The following PIK3R5 variants were observed in gnomAD, a reference collection of about 807,000 sequenced individuals.
The protein encoded by PIK3R5 is phosphoinositide-3-kinase regulatory subunit 5.
PIK3R5 carries 32 observed loss-of-function variants against 94.9 expected under a neutral mutation model. The observed-to-expected ratio is 0.34, with a 90% CI of 0.25 to 0.45. The LOEUF is 0.45. Ranked by LOEUF, PIK3R5 falls within the 20% of genes least tolerant of loss-of-function variation. The probability of loss-of-function intolerance (pLI) is 1.00; values close to 1 mark genes in which losing one functional copy is unlikely to be tolerated. For missense variants in PIK3R5, 853 were observed against 1,144.6 expected (o/e 0.75, Z 3.68); for synonymous variants, 443 against 479.4 (o/e 0.92, Z 0.99).
At chr17:8,950,511 G>A (rs2091357624) in intron 1 of PIK3R5, among the ~76,000 whole-genome samples, 1 of 152,118 alleles carries the variant, frequency 6.6e-6, no homozygotes, top group African/African-American at 2.4e-5. Flanking sequence ...CTTGTGCTCA[G>A]TGTTTAGCTC....
rs201253539 is a variant in PIK3R5 at position 8,925,202 on chromosome 17, GGATAGATA to G, written c.-13-13703_-13-13696del. On this transcript the variant is annotated intron_variant, in intron 1 of 18. Coordinates refer to ENST00000447110, the MANE Select transcript of PIK3R5 (RefSeq NM_001142633.3). The surrounding 1 kb of genome is among the most constrained non-coding windows in gnomAD (Gnocchi z 5.1). ...GTAGATAGATAGACAGAAAGTAGAT[GGATAGATA>G]GATAGATAGTAGATGGATAGATAGA... Among the ~76,000 whole-genome samples, 1 of 150,756 alleles carries G rather than the reference GGATAGATA, an allele frequency of 6.6e-6. No individual in the cohort carries two copies. Among genetic ancestry groups the G allele is most frequent in the Non-Finnish European group, 1.5e-5 (1 of 67,678 alleles).
In PIK3R5 at chr17:8,955,023, T is replaced by C. The variant is rs2091444639; in HGVS notation, c.-14+10573A>G. 6.7e-6 allele frequency among the ~76,000 whole-genome samples: 1 copy of C among 148,778 alleles called. No homozygotes were observed. Among genetic ancestry groups the C allele is most frequent in the Non-Finnish European group, 1.5e-5 (1 of 67,464 alleles). On this transcript the variant is annotated intron_variant, in intron 1 of 18. Transcript: ENST00000447110. The surrounding 1 kb of genome is among the most constrained non-coding windows in gnomAD (Gnocchi z 4.4). ...CTGGAGTTTGCCAGAGGCTCAGGGGTCTGAAGCAGCCCAGAGGAGGACACC... is the reference window on the plus strand; with the variant it reads ...CTGGAGTTTGCCAGAGGCTCAGGGGCCTGAAGCAGCCCAGAGGAGGACACC...
At chr17:8,956,230 G>T (rs1323787776) in intron 1 of PIK3R5, among the ~76,000 whole-genome samples, 1 of 151,870 alleles carries the variant, frequency 6.6e-6, no homozygotes, top group East Asian at 1.9e-4. Flanking sequence ...AAAAAAAGAT[G>T]CAGGTTGGGA....
chr17:8,938,368 C>T (rs1044919824), intron 1 of PIK3R5, among the ~76,000 whole-genome samples: 1 of 152,036 alleles, frequency 6.6e-6, no homozygotes, highest in African/African-American at 2.4e-5. Flanking sequence ...GTGATTTTTA[C>T]TTTTTTTCTT....
At position 8,879,094 on chromosome 17, in the gene PIK3R5, G is replaced by A. The variant is rs14681; in HGVS notation, c.*1545C>T. 1.3e-5 allele frequency: 2 copies of A among 152,270 alleles called. No homozygotes were observed. Among genetic ancestry groups the A allele is most frequent in the East Asian group, 1.9e-4 (1 of 5,184 alleles). 9.4% of individuals were successfully genotyped at this position (152,270 alleles called of 1,614,324 possible). On this transcript the variant is annotated 3_prime_UTR_variant, in exon 19 of 19. Coordinates refer to ENST00000447110, the MANE Select transcript of PIK3R5 (RefSeq NM_001142633.3). This position sits in a 1 kb window ranked among gnomAD's most constrained non-coding sequence, Gnocchi z 4.4. ...GCAGACATTAAGACAGGGGAGAGAC[G>A]GCCAGGCAAGGTAGAAGCTGGCTCT...
At chr17:8,961,752 C>T (rs949805307) in intron 1 of PIK3R5, among the ~76,000 whole-genome samples, 1 of 152,130 alleles carries the variant, frequency 6.6e-6, no homozygotes, top group Non-Finnish European at 1.5e-5. Context: ...CTGTGGATGC[C>T]GAACTCTAGG....
At position 8,917,311 on chromosome 17, in the gene PIK3R5, T is replaced by C. The variant is rs2090649637; in HGVS notation, c.-13-5804A>G. On this transcript the variant is annotated intron_variant, in intron 1 of 18. Coordinates refer to ENST00000447110, the MANE Select transcript of PIK3R5 (RefSeq NM_001142633.3). Reference sequence around the variant, plus strand: ...TGGCGATATTTTACATACCCAAAATTAAATAAATAATCGAAATCAACCAGA... The same window carrying C: ...TGGCGATATTTTACATACCCAAAATCAAATAAATAATCGAAATCAACCAGA... Among the ~76,000 whole-genome samples the C allele has an allele frequency of 2.0e-5, 3 of 152,062 alleles. No individual in the cohort carries two copies. In the South Asian group the frequency reaches 6.2e-4, roughly 31 times the overall value.
rs1567658590 is a variant in PIK3R5 at position 8,925,486 on chromosome 17, G to GGATGATA, written c.-13-13980_-13-13979insTATCATC. Among the ~76,000 whole-genome samples the GGATGATA allele has an allele frequency of 2.0e-3, 269 of 137,720 alleles. 5 individuals carry two copies. In the East Asian group the frequency reaches 0.046, roughly 23 times the overall value. The allele number at this position is 137,720 out of a possible 152,430, so 90.3% of individuals were successfully genotyped here. ...GATGGATGATAGATAGATAGTAGAT[G>GGATGATA]GATAGATAGTAGATGGATAGATAGT... On this transcript the variant is annotated intron_variant, in intron 1 of 18. Coordinates refer to ENST00000447110, the MANE Select transcript of PIK3R5 (RefSeq NM_001142633.3). The surrounding 1 kb of genome is among the most constrained non-coding windows in gnomAD (Gnocchi z 5.1).
At chr17:8,962,330 C>G (rs1432058894) in intron 1 of PIK3R5, among the ~76,000 whole-genome samples, 1 of 152,178 alleles carries the variant, frequency 6.6e-6, no homozygotes, top group Non-Finnish European at 1.5e-5. Flanking sequence ...CAAAAAGACA[C>G]AGGGTACAAA....
rs1009107824 is a variant in PIK3R5 at position 8,889,905 on chromosome 17, C to A, written c.811+68G>T. On this transcript the variant is annotated intron_variant, in intron 8 of 18. Transcript: ENST00000447110. This position sits in a 1 kb window ranked among gnomAD's most constrained non-coding sequence, Gnocchi z 4.1. ...GCAGAGCCACCAGGCCCGCCTGGACCGTGCACCTTGGGACCTAGAATAGGC... is the reference window on the plus strand; with the variant it reads ...GCAGAGCCACCAGGCCCGCCTGGACAGTGCACCTTGGGACCTAGAATAGGC... The A allele has an allele frequency of 1.3e-6, 2 of 1,564,374 alleles. No homozygotes were observed. Among genetic ancestry groups the A allele is most frequent in the Non-Finnish European group, 1.8e-6 (2 of 1,139,470 alleles).
At chr17:8,897,888 A>G (rs2090187332) in intron 5 of PIK3R5, among the ~76,000 whole-genome samples, 2 of 152,164 alleles carry the variant, frequency 1.3e-5, no homozygotes, top group Admixed American at 6.5e-5. Context: ...TGGGGCCACC[A>G]TGCCAATGCT....
At chr17:8,902,359 G>C (rs900408271) in intron 5 of PIK3R5, among the ~76,000 whole-genome samples, 1 of 146,338 alleles carries the variant, frequency 6.8e-6, no homozygotes, top group Admixed American at 7.1e-5. Flanking sequence ...AGGTTCAAGC[G>C]ATTCTCTGCC....
At chr17:8,891,926 C>T (rs1264416830) in intron 6 of PIK3R5, among the ~76,000 whole-genome samples, 1 of 151,998 alleles carries the variant, frequency 6.6e-6, no homozygotes, top group Non-Finnish European at 1.5e-5. Flanking sequence ...TTCAAACATA[C>T]CCCAAATTAA....
Position 8,921,502 on chromosome 17 carries a change from T to C in PIK3R5, c.-13-9995A>G, listed in dbSNP as rs183775821. Among the ~76,000 whole-genome samples, 5 of 152,162 alleles carry C rather than the reference T, an allele frequency of 3.3e-5. No homozygotes were observed. In the East Asian group the frequency reaches 9.7e-4, roughly 29 times the overall value. The stretch of plus-strand genomic sequence containing the variant: ...AAATGTTCATAGAAACCCAAGAAAA[T>C]CAACTGAAAAATGGTCATACCAAAG... On this transcript the variant is annotated intron_variant, in intron 1 of 18. Transcript: ENST00000447110.
intron 10 of PIK3R5, 96 bp from the exon 11 acceptor site, chr17:8,887,779 G>C: frequency 8.5e-7 from 1 of 1,175,860 alleles, no homozygotes; most frequent in East Asian, 2.6e-5. Context: ...GATCACCCGA[G>C]GCCAGGAGTT....
chr17:8,926,356 C>A (rs1270407514), intron 1 of PIK3R5, among the ~76,000 whole-genome samples: 1 of 152,098 alleles, frequency 6.6e-6, no homozygotes, highest in Non-Finnish European at 1.5e-5. Flanking sequence ...CCAAAAGAAC[C>A]CTAAGGTTCT....
intron 1 of PIK3R5, among the ~76,000 whole-genome samples, chr17:8,914,898 G>T (rs1275371095): frequency 6.6e-6 from 1 of 152,256 alleles, no homozygotes; most frequent in East Asian, 1.9e-4. Context: ...CTGAAGGCTG[G>T]ACCAATTTTG....
chr17:8,963,235 C>A (rs1041340423), intron 1 of PIK3R5, among the ~76,000 whole-genome samples: 2 of 152,236 alleles, frequency 1.3e-5, no homozygotes, highest in Admixed American at 6.5e-5. Flanking sequence ...CAGGGCCACG[C>A]AGCTCAGTCC....
chr17:8,911,512 A>T lies in PIK3R5; in HGVS notation c.-13-5T>A. The T allele has an allele frequency of 2.5e-6, 4 of 1,576,132 alleles. No homozygotes were observed. Among genetic ancestry groups the T allele is most frequent in the Non-Finnish European group, 3.4e-6 (4 of 1,159,488 alleles). ...GGCTGCATCCTGGGTCATCGCCTGC[A>T]TGGGGGACAGACGCCGGTCAGCTTG... On this transcript the variant is annotated splice_polypyrimidine_tract_variant and splice_region_variant and intron_variant, in intron 1 of 18. Transcript: ENST00000447110. This position sits in a 1 kb window ranked among gnomAD's most constrained non-coding sequence, Gnocchi z 5.3.
Sources: gnomAD v4.1 joint callset for allele counts (sites outside exome capture counted in the v4.1 genomes callset) on GRCh38, gnomAD v4.1.1 for gene constraint, Gnocchi (gnomAD v3.1) non-coding constraint, MANE v1.5 for transcripts, NCBI Gene and HGNC (gene_info 2026-07-23, HGNC 2026-07-21) for gene names.